Variants in KLHL29 observed in about 807,000 individuals in gnomAD.
KLHL29 encodes kelch like family member 29, also known as kelch-like protein 29.
In KLHL29, 21 loss-of-function variants were observed where a neutral mutation model predicts 80.4. That is an observed-to-expected ratio of 0.26 (90% confidence interval 0.19 to 0.38). The LOEUF is 0.38. Among genes scored for constraint, KLHL29 ranks in the 10% least tolerant of loss-of-function variants. The probability of loss-of-function intolerance (pLI) is 1.00; values close to 1 mark genes in which losing one functional copy is unlikely to be tolerated. For synonymous variants in KLHL29, 511 were observed against 526.8 expected (o/e 0.97, Z 0.41); for missense variants, 867 against 1,223.9 (o/e 0.71, Z 4.35).
intron 1 of KLHL29, among the ~76,000 whole-genome samples, chr2:23,467,825 G>C (rs781185830): frequency 6.6e-6 from 1 of 152,106 alleles, no homozygotes; most frequent in Non-Finnish European, 1.5e-5. Context: ...TCGCTGACCA[G>C]TGTGAAACCA....
chr2:23,648,112 C>G (rs1669989088), intron 5 of KLHL29, among the ~76,000 whole-genome samples: 1 of 152,010 alleles, frequency 6.6e-6, no homozygotes, highest in Admixed American at 6.6e-5. Flanking sequence ...GCCCGTCACC[C>G]CCCGACACCT....
intron 1 of KLHL29, among the ~76,000 whole-genome samples, chr2:23,414,370 G>T (rs1666937917): frequency 6.6e-6 from 1 of 152,110 alleles, no homozygotes; most frequent in Non-Finnish European, 1.5e-5. Context: ...GGGTGGGAGG[G>T]ATGCTGTGGG....
rs1572491187 is a variant in KLHL29, at chr2:23,681,143, C to T, written c.941-3256C>T. 6.6e-6 allele frequency among the ~76,000 whole-genome samples: 1 copy of T among 152,356 alleles called. No individual in the cohort carries two copies. Among genetic ancestry groups the T allele is most frequent in the South Asian group, 2.1e-4 (1 of 4,830 alleles). On this transcript the variant is annotated intron_variant, in intron 5 of 13. Transcript: ENST00000486442. This position sits in a 1 kb window ranked among gnomAD's most constrained non-coding sequence, Gnocchi z 4.2. ...AGCCTGAGAGCCTAAGCTCCTGCTTCGCCGGCCGGGCAGGCAGTGGGCAGC... is the reference window on the plus strand; with the variant it reads ...AGCCTGAGAGCCTAAGCTCCTGCTTTGCCGGCCGGGCAGGCAGTGGGCAGC...
At chr2:23,589,924 A>G in intron 3 of KLHL29, among the ~76,000 whole-genome samples, 1 of 152,254 alleles carries the variant, frequency 6.6e-6, no homozygotes, top group East Asian at 1.9e-4. Flanking sequence ...GTCAACGTCT[A>G]TTCTGGGTCC....
intron 3 of KLHL29, among the ~76,000 whole-genome samples, chr2:23,573,193 A>G (rs745733288): frequency 2.0e-5 from 3 of 152,238 alleles, no homozygotes; most frequent in Non-Finnish European, 2.9e-5. Flanking sequence ...CAGTCACAGT[A>G]TCACAGCCTT....
chr2:23,473,468 T>A (rs746809954), intron 1 of KLHL29, among the ~76,000 whole-genome samples: 5 of 152,110 alleles, frequency 3.3e-5, no homozygotes, highest in Non-Finnish European at 5.9e-5. Context: ...CCCAGAGAAC[T>A]CAGCTGTGCA....
chr2:23,540,540 C>T (rs114177163), intron 2 of KLHL29, among the ~76,000 whole-genome samples: 63 of 152,354 alleles, frequency 4.1e-4, no homozygotes, highest in African/African-American at 1.5e-3. Flanking sequence ...CACATCCTTA[C>T]ATCCCAAACC....
At chr2:23,656,466 C>T (rs190956546) in intron 5 of KLHL29, among the ~76,000 whole-genome samples, 6 of 152,364 alleles carry the variant, frequency 3.9e-5, no homozygotes, top group African/African-American at 1.4e-4. Flanking sequence ...TGCTGCCACG[C>T]AGAGTCAGAT....
At chr2:23,528,828 A>G (rs1182178174) in intron 2 of KLHL29, among the ~76,000 whole-genome samples, 1 of 152,232 alleles carries the variant, frequency 6.6e-6, no homozygotes, top group Non-Finnish European at 1.5e-5. Context: ...CTGCCAGCGC[A>G]GCCTGACTCG....
At chr2:23,653,413 G>T (rs373292338) in intron 5 of KLHL29, among the ~76,000 whole-genome samples, 1 of 152,166 alleles carries the variant, frequency 6.6e-6, no homozygotes, top group African/African-American at 2.4e-5. Context: ...TGCATGGGCC[G>T]CACTGGGCCA....
intron 2 of KLHL29, among the ~76,000 whole-genome samples, chr2:23,478,530 A>T (rs1664697175): frequency 1.3e-5 from 2 of 152,192 alleles, no homozygotes; most frequent in Non-Finnish European, 2.9e-5. Context: ...CAAATAAGTA[A>T]GAAGGCCATA....
chr2:23,406,774 G>T (rs1666748409), intron 1 of KLHL29, among the ~76,000 whole-genome samples: 1 of 152,144 alleles, frequency 6.6e-6, no homozygotes, highest in South Asian at 2.1e-4. Flanking sequence ...GGGTAGATAT[G>T]AGACTTATGT....
rs183648839 is a variant in KLHL29 at position 23,406,947 on chromosome 2, T to A, written c.-154+21167T>A. 1.3e-3 allele frequency among the ~76,000 whole-genome samples: 199 copies of A among 152,304 alleles called. 1 individual carries two copies. The highest frequency in any genetic ancestry group is 4.6e-3 in the African/African-American group (191 of 41,566). ...CCCAGAGATAAAAAAACAATTAACA[T>A]TTTAGAATCTATTATTTGTCACTTT... is the stretch of plus-strand genomic sequence containing the variant. On this transcript the variant is annotated intron_variant, in intron 1 of 13. Transcript: ENST00000486442.
At chr2:23,686,185 T>C (rs1671250589) in intron 6 of KLHL29, among the ~76,000 whole-genome samples, 2 of 151,782 alleles carry the variant, frequency 1.3e-5, no homozygotes, top group African/African-American at 4.8e-5. Flanking sequence ...GGGGCTGCAC[T>C]GGGGCAGGCA....
chr2:23,466,784 A>G (rs1205388521), intron 1 of KLHL29, among the ~76,000 whole-genome samples: 2 of 152,252 alleles, frequency 1.3e-5, no homozygotes, highest in Non-Finnish European at 2.9e-5. Context: ...CAAGCTTGAA[A>G]AATAATGCAG....
chr2:23,472,004 T>C (rs1353235445), intron 1 of KLHL29, among the ~76,000 whole-genome samples: 7 of 152,120 alleles, frequency 4.6e-5, no homozygotes, highest in African/African-American at 1.7e-4. Context: ...ATGTAGCTTA[T>C]AGGCCTCCCA....
chr2:23,510,484 A>G (rs1665735219), intron 2 of KLHL29, among the ~76,000 whole-genome samples: 1 of 152,198 alleles, frequency 6.6e-6, no homozygotes, highest in Admixed American at 6.5e-5. Context: ...AGCAAGCCTC[A>G]ACAGGCTTTG....
intron 5 of KLHL29, among the ~76,000 whole-genome samples, chr2:23,646,183 T>C (rs1669925674): frequency 6.6e-6 from 1 of 151,870 alleles, no homozygotes; most frequent in African/African-American, 2.4e-5. Flanking sequence ...CGTTGTTGGA[T>C]TGGAACCACC....
chr2:23,642,805 A>G lies in KLHL29; in HGVS notation c.895A>G (p.Ile299Val), dbSNP rs1669809365. Residue 299 changes from isoleucine to valine, a missense_variant, in exon 5 of 14, where the codon ATT (isoleucine) becomes GTT (valine). Transcript: ENST00000486442. ...CCACGGGCTGCAGATGCTGCGGACC[A>G]TTGGCGTGGGGAAGTATGAGTTCAC... ...SAHGLQMLRT[I>V]GVGKYEFTDP... is the part of the protein sequence containing the mutation. The G allele has an allele frequency of 1.3e-6, 2 of 1,550,236 alleles. No individual in the cohort carries two copies. Among genetic ancestry groups the G allele is most frequent in the South Asian group, 1.2e-5 (1 of 84,064 alleles).
Sources: gnomAD v4.1 joint callset for allele counts (sites outside exome capture counted in the v4.1 genomes callset) on GRCh38, gnomAD v4.1.1 for gene constraint, Gnocchi (gnomAD v3.1) non-coding constraint, MANE v1.5 for transcripts, NCBI Gene and HGNC (gene_info 2026-07-23, HGNC 2026-07-21) for gene names.